Variants in NDUFAF7 observed in about 807,000 individuals in gnomAD.
NDUFAF7 encodes NADH:ubiquinone oxidoreductase complex assembly factor 7, also known as protein arginine methyltransferase NDUFAF7, mitochondrial.
A neutral mutation model predicts 47.2 loss-of-function variants in NDUFAF7; 48 were observed. That is an observed-to-expected ratio of 1.02 (90% confidence interval 0.81 to 1.29). The LOEUF is 1.29. Among genes scored for constraint, NDUFAF7 ranks in the 50% most tolerant of loss-of-function variants. The pLI is 0.00. For synonymous variants in NDUFAF7, 217 were observed against 190.0 expected, an observed-to-expected ratio of 1.14 and a Z score of -1.17; for missense variants, 635 against 537.6, an observed-to-expected ratio of 1.18 and a Z score of -1.79.
Position 37,248,594 on chromosome 2 carries a change from G to A in NDUFAF7, c.*244G>A, listed in dbSNP as rs1558508661. The A allele has an allele frequency of 9.7e-6, 5 of 512,880 alleles. No individual in the cohort carries two copies. Among genetic ancestry groups the A allele is most frequent in the African/African-American group, 3.9e-5 (2 of 51,830 alleles). 31.8% of individuals were successfully genotyped at this position (512,880 alleles called of 1,614,324 possible). A position where few individuals can be genotyped will look rare whatever the true frequency, so the allele number is the denominator to read the frequency against. ...GAGTTTCCTTTAACTTACAAAGCTA[G>A]TTGCCATATTTCTATTTTATTTTAA... On this transcript the variant is annotated 3_prime_UTR_variant, in exon 10 of 10. Coordinates refer to ENST00000002125, the MANE Select transcript of NDUFAF7 (RefSeq NM_144736.5).
In NDUFAF7 at chr2:37,239,695, A is replaced by G. The variant is rs115929838; in HGVS notation, c.408+1828A>G. Among the ~76,000 whole-genome samples, 674 of 152,304 alleles carry G rather than the reference A, an allele frequency of 4.4e-3. 2 individuals are homozygous for G. Among genetic ancestry groups the G allele is most frequent in the Middle Eastern group, 0.01 (3 of 294 alleles). ...AGAATGCGTGAAATCACAGTGGAAT[A>G]TAACAGTGTTCAACATGAAACAAGA... On this transcript the variant is annotated intron_variant, in intron 4 of 9. Coordinates refer to ENST00000002125, the MANE Select transcript of NDUFAF7 (RefSeq NM_144736.5).
At chr2:37,239,849 A>G (rs1666174920) in intron 4 of NDUFAF7, among the ~76,000 whole-genome samples, 1 of 152,222 alleles carries the variant, frequency 6.6e-6, no homozygotes, top group African/African-American at 2.4e-5. Context: ...TATAAAGAAA[A>G]GTCAGGGTGT....
chr2:37,235,733 C>T (rs546232558), intron 2 of NDUFAF7, among the ~76,000 whole-genome samples: 1 of 152,060 alleles, frequency 6.6e-6, no homozygotes, highest in South Asian at 2.1e-4. Flanking sequence ...CGGCTTACTG[C>T]AAGCTCTGCC....
the NDUFAF7 span, among the ~76,000 whole-genome samples, chr2:37,266,770 G>A: frequency 4.6e-5 from 7 of 152,224 alleles, no homozygotes; most frequent in East Asian, 9.6e-4. Context: ...TTATAGGTGC[G>A]CACCACCTCA....
rs146847439 is a variant in NDUFAF7 at position 37,247,551 on chromosome 2, A to G, written c.1032A>G (p.Ala344=). 1.1e-5 allele frequency: 18 copies of G among 1,614,112 alleles called. No individual in the cohort carries two copies. Among genetic ancestry groups the G allele is most frequent in the Non-Finnish European group, 1.5e-5 (18 of 1,179,996 alleles). The change falls in exon 9 of 10, where the codon GCA becomes GCG. Residue 344 remains alanine (A), a synonymous_variant. Transcript: ENST00000002125. ...ACTTCAGTTATTTGCGAAGAATGGC[A>G]CAGGGAAAAGTAGCCTCTCTGGGCC... ...DVDFSYLRRM[A]QGKVASLGPI...
chr2:37,267,193 A>G, the NDUFAF7 span, among the ~76,000 whole-genome samples: 22,086 of 152,152 alleles, frequency 0.15, 2,242 homozygotes, highest in East Asian at 0.35. Flanking sequence ...AAGTATCCTA[A>G]GTATTTTAAG....
chr2:37,269,553 GTTTTAC>G, the NDUFAF7 span: 14 of 1,417,050 alleles, frequency 9.9e-6, no homozygotes, highest in African/African-American at 1.4e-5. Context: ...GCTGGCAGAT[GTTTTAC>G]ATTTTCCAGT....
At position 37,248,725 on chromosome 2, in the gene NDUFAF7, A is replaced by C. The variant is rs1425338791; in HGVS notation, c.*375A>C. 2.4e-5 allele frequency: 7 copies of C among 287,706 alleles called. No individual in the cohort carries two copies. Among genetic ancestry groups the C allele is most frequent in the Non-Finnish European group, 4.7e-5 (7 of 147,748 alleles). The allele number at this position is 287,706 out of a possible 1,614,324, so 17.8% of individuals were successfully genotyped here. A position where few individuals can be genotyped will look rare whatever the true frequency, so the allele number is the denominator to read the frequency against. On this transcript the variant is annotated 3_prime_UTR_variant, in exon 10 of 10. Transcript: ENST00000002125. ...AGGTCAGCAGTTAAAGACCAGCCTG[A>C]CCAAAATGGAGAAACCCCATCTCTA... is the stretch of plus-strand genomic sequence containing the variant.
downstream of NDUFAF7, among the ~76,000 whole-genome samples, chr2:37,249,501 C>G (rs575022228): frequency 3.3e-5 from 5 of 151,198 alleles, no homozygotes; most frequent in South Asian, 1.0e-3. Flanking sequence ...CGCTTGAACC[C>G]GGGAGGCGGA....
At chr2:37,250,013 A>C (rs1484618452), downstream of NDUFAF7, among the ~76,000 whole-genome samples, 1 of 151,188 alleles carries the variant, frequency 6.6e-6, no homozygotes, top group Non-Finnish European at 1.5e-5. Context: ...AAGCTTTCTT[A>C]AAACATTATG....
intron 7 of NDUFAF7, 90 bp from the exon 8 acceptor site, chr2:37,245,962 A>T (rs529516722): frequency 1.4e-6 from 2 of 1,390,032 alleles, no homozygotes; most frequent in East Asian, 4.9e-5. Context: ...TAAAACTAAG[A>T]AATGCTCATT....
chr2:37,244,864 A>T (rs1428950031), intron 7 of NDUFAF7, among the ~76,000 whole-genome samples: 1 of 152,176 alleles, frequency 6.6e-6, no homozygotes, highest in Non-Finnish European at 1.5e-5. Context: ...ACCAAGAACT[A>T]ACCTCCTGGC....
At chr2:37,257,693 AAG>A (rs1668088732), downstream of NDUFAF7, among the ~76,000 whole-genome samples, 3 of 148,628 alleles carry the variant, frequency 2.0e-5, no homozygotes, top group Non-Finnish European at 4.5e-5. Context: ...AAAAAAAAAA[AAG>A]TTACAGTATT....
chr2:37,242,074 A>T (rs371086512), intron 5 of NDUFAF7: 1 of 438,938 alleles, frequency 2.3e-6, no homozygotes, highest in East Asian at 4.5e-5. Context: ...GGTTGTACCG[A>T]TGACGGAGCA....
At chr2:37,263,495 C>G in the NDUFAF7 span, among the ~76,000 whole-genome samples, 1 of 152,116 alleles carries the variant, frequency 6.6e-6, no homozygotes, top group Non-Finnish European at 1.5e-5. Flanking sequence ...TACTCCATTT[C>G]TCATGGACTA....
chr2:37,269,721 ATTTCT>A, the NDUFAF7 span: 11 of 1,437,500 alleles, frequency 7.7e-6, no homozygotes, highest in South Asian at 2.3e-5. Flanking sequence ...AGTATTATTT[ATTTCT>A]ATAATACAAT....
the NDUFAF7 span, chr2:37,260,521 A>G: frequency 1.2e-6 from 1 of 815,986 alleles, no homozygotes; most frequent in African/African-American, 1.8e-5. Context: ...AATAAAAATT[A>G]CAATCAATGA....
Position 37,241,741 on chromosome 2 carries a change from A to G in NDUFAF7, c.572A>G (p.Lys191Arg), listed in dbSNP as rs1666359399. ...GSPVYMKGVT[K>R]SGIPISWYRD... ...CCAGTGTATATGAAAGGTGTCACTAAGTCTGGGATTCCAATTTCCTGGTAC... is the reference window on the plus strand; with the variant it reads ...CCAGTGTATATGAAAGGTGTCACTAGGTCTGGGATTCCAATTTCCTGGTAC... The change falls in exon 5 of 10, where the codon AAG (lysine) becomes AGG (arginine). Residue 191 changes from lysine to arginine, a missense_variant. Transcript: ENST00000002125. 6.2e-7 allele frequency: 1 copy of G among 1,612,960 alleles called. No homozygotes were observed. Among genetic ancestry groups the G allele is most frequent in the African/African-American group, 1.3e-5 (1 of 74,772 alleles).
At chr2:37,249,598 CACACAGAG>C (rs796947906), downstream of NDUFAF7, among the ~76,000 whole-genome samples, 3,836 of 110,682 alleles carry the variant, frequency 0.035, 80 homozygotes, top group Non-Finnish European at 0.047. Flanking sequence ...CACACACACA[CACACAGAG>C]GGGAGATCGC....
Sources: gnomAD v4.1 joint callset for allele counts (sites outside exome capture counted in the v4.1 genomes callset) on GRCh38, gnomAD v4.1.1 for gene constraint, MANE v1.5 for transcripts, NCBI Gene and HGNC (gene_info 2026-07-23, HGNC 2026-07-21) for gene names.